The following NECTIN3 variants were observed in gnomAD, a reference collection of about 807,000 sequenced individuals.
NECTIN3 encodes nectin-3.
Under a neutral mutation model 49.4 loss-of-function variants are expected in NECTIN3, and 8 were observed. The observed-to-expected ratio is 0.16, with a 90% CI of 0.10 to 0.29. NECTIN3 has a LOEUF of 0.29. Ranked by LOEUF, NECTIN3 falls within the 10% of genes least tolerant of loss-of-function variation. NECTIN3 has a pLI of 1.00. For missense variants in NECTIN3, 581 were observed against 654.6 expected, an observed-to-expected ratio of 0.89 and a Z score of 1.23; for synonymous variants, 277 against 241.1, an observed-to-expected ratio of 1.15 and a Z score of -1.38.
At chr3:111,108,246 A>G (rs111571549) in intron 1 of NECTIN3, among the ~76,000 whole-genome samples, 9 of 147,390 alleles carry the variant, frequency 6.1e-5, no homozygotes, top group African/African-American at 1.7e-4. Flanking sequence ...TTTTGTAAAT[A>G]TCAACTTTGT....
At position 111,119,367 on chromosome 3, in the gene NECTIN3, CTGCCGCCAGGCTGGAG is replaced by C. The variant is rs2033844934; in HGVS notation, c.799+418_799+433del. ...AATCTTGCTCTGCCGCCAGGCTGGA[CTGCCGCCAGGCTGGAG>C]TGTAGTGGCGTCATCTCTGCTCACT... On this transcript the variant is annotated intron_variant, in intron 3 of 5. Transcript: ENST00000485303. 2.0e-5 allele frequency among the ~76,000 whole-genome samples: 3 copies of C among 152,088 alleles called. No individual in the cohort carries two copies. The South Asian group carries it at 6.2e-4, about 32-fold the overall frequency.
At chr3:111,086,158 G>GTCTTTCATAT (rs2031910688) in intron 1 of NECTIN3, among the ~76,000 whole-genome samples, 1 of 151,802 alleles carries the variant, frequency 6.6e-6, no homozygotes, top group African/African-American at 2.4e-5. Flanking sequence ...ATCTTTTTAT[G>GTCTTTCATAT]GGTTCCTAGG....
intron 5 of NECTIN3, among the ~76,000 whole-genome samples, chr3:111,144,713 A>G (rs2034832243): frequency 6.6e-6 from 1 of 152,090 alleles, no homozygotes; most frequent in Non-Finnish European, 1.5e-5. Flanking sequence ...TATTAAAGTA[A>G]TATAAGAAAG....
chr3:111,092,045 G>A (rs1031750024), intron 1 of NECTIN3, among the ~76,000 whole-genome samples: 6 of 152,172 alleles, frequency 3.9e-5, no homozygotes, highest in East Asian at 1.9e-4. Context: ...GGCTGATGAT[G>A]TTGAGCAAAT....
intron 6 of NECTIN3, among the ~76,000 whole-genome samples, chr3:111,145,229 G>C (rs977070211): frequency 2.6e-5 from 4 of 152,176 alleles, no homozygotes; most frequent in Non-Finnish European, 5.9e-5. Flanking sequence ...TCAAGGGGCT[G>C]CTAGAGGTAT....
At chr3:111,144,997 C>T in exon 6 of NECTIN3, 1 of 1,536,410 alleles carries the variant, frequency 6.5e-7, no homozygotes, top group South Asian at 1.2e-5. Context: ...GACTGTGCTG[C>T]TGACTCCTCG....
In NECTIN3 at chr3:111,163,474, A is replaced by T. The variant is rs2035257033; in HGVS notation, c.1221+15990A>T. Among the ~76,000 whole-genome samples the T allele has an allele frequency of 3.3e-5, 5 of 152,238 alleles. No homozygotes were observed. The South Asian group carries it at 1.0e-3, about 32-fold the overall frequency. On this transcript the variant is annotated intron_variant, in intron 7 of 8. Coordinates refer to the NECTIN3 transcript ENST00000493615. Reference sequence around the variant, plus strand: ...TGCTGTAGCAGTTTTTGGAAAATACAATCTTTGCTCTCTGTGTGTTGTCAT... The same window carrying T: ...TGCTGTAGCAGTTTTTGGAAAATACTATCTTTGCTCTCTGTGTGTTGTCAT...
chr3:111,144,843 A>T, intron 5 of NECTIN3: 2 of 1,485,040 alleles, frequency 1.3e-6, no homozygotes, highest in Non-Finnish European at 1.8e-6. Context: ...AAGGTATGCA[A>T]TTTCAAGAAT....
intron 2 of NECTIN3, among the ~76,000 whole-genome samples, chr3:111,118,131 C>T (rs2033766229): frequency 1.3e-5 from 2 of 151,332 alleles, no homozygotes; most frequent in Admixed American, 1.3e-4. Flanking sequence ...AACATTTCAT[C>T]TCCAATAGGT....
At chr3:111,126,961 C>T (rs570472548) in intron 5 of NECTIN3, among the ~76,000 whole-genome samples, 5 of 151,964 alleles carry the variant, frequency 3.3e-5, no homozygotes, top group Admixed American at 1.3e-4. Context: ...TTTTGGCATT[C>T]GTAAAATAGA....
chr3:111,108,845 T>A (rs894670047), intron 1 of NECTIN3, among the ~76,000 whole-genome samples: 5 of 152,136 alleles, frequency 3.3e-5, no homozygotes, highest in African/African-American at 1.2e-4. Context: ...TAATGAGGGC[T>A]CCACTCCCAT....
At chr3:111,106,046 C>CT (rs2033169058) in intron 1 of NECTIN3, among the ~76,000 whole-genome samples, 2 of 147,606 alleles carry the variant, frequency 1.4e-5, no homozygotes, top group Admixed American at 6.8e-5. Context: ...TCTGTAGGTA[C>CT]TTTCTTCACT....
intron 2 of NECTIN3, among the ~76,000 whole-genome samples, chr3:111,115,009 A>G (rs1446237183): frequency 1.3e-5 from 2 of 152,106 alleles, no homozygotes; most frequent in Non-Finnish European, 2.9e-5. Flanking sequence ...CATTAAGGGA[A>G]AGTTTTCTTA....
At chr3:111,103,937 C>G (rs1365498270) in intron 1 of NECTIN3, among the ~76,000 whole-genome samples, 5 of 152,124 alleles carry the variant, frequency 3.3e-5, no homozygotes, top group Non-Finnish European at 7.4e-5. Flanking sequence ...ATTGTTTCTA[C>G]TTCTTGGGTG....
intron 7 of NECTIN3, among the ~76,000 whole-genome samples, chr3:111,169,293 T>C (rs1361780641): frequency 6.6e-6 from 1 of 151,310 alleles, no homozygotes; most frequent in Non-Finnish European, 1.5e-5. Flanking sequence ...GGTTTCACCA[T>C]GTTAGCCAGG....
In NECTIN3 at chr3:111,112,374, A is replaced by C; in HGVS notation, c.502+3A>C. Reference sequence around the variant, plus strand: ...CTCTACAACTGTAACTGTGTTAGGTAGGTATGCTTGAATTATGTATTTTGG... The same window carrying C: ...CTCTACAACTGTAACTGTGTTAGGTCGGTATGCTTGAATTATGTATTTTGG... On this transcript the variant is annotated splice_donor_region_variant and intron_variant, in intron 2 of 5. Transcript: ENST00000485303. 6.6e-7 allele frequency: 1 copy of C among 1,516,062 alleles called. No homozygotes were observed. The highest frequency in any genetic ancestry group is 1.3e-5 in the South Asian group (1 of 76,412). The allele number at this position is 1,516,062 out of a possible 1,614,324, so 93.9% of individuals were successfully genotyped here.
chr3:111,095,574 C>A (rs2032537230), intron 1 of NECTIN3, among the ~76,000 whole-genome samples: 1 of 152,140 alleles, frequency 6.6e-6, no homozygotes, highest in Non-Finnish European at 1.5e-5. Flanking sequence ...CTTTTTTCAA[C>A]AGCTTTACAT....
At position 111,135,738 on chromosome 3, in the gene NECTIN3, T is replaced by A. The variant is rs2034552946; in HGVS notation, c.*1523T>A. The A allele has an allele frequency of 1.0e-6, 1 of 962,452 alleles. No individual in the cohort carries two copies. The highest frequency in any genetic ancestry group is 1.1e-4 in the East Asian group (1 of 8,704). 59.6% of individuals were successfully genotyped at this position (962,452 alleles called of 1,614,324 possible). A position where few individuals can be genotyped will look rare whatever the true frequency, so the allele number is the denominator to read the frequency against. ...TCAATATTCATCAAATCTAAAACAT[T>A]TAGGGGGCAAAATTCTAACATGTTC... On this transcript the variant is annotated 3_prime_UTR_variant, in exon 6 of 6. Transcript: ENST00000485303.
chr3:111,091,011 CTTTACAG>C (rs1417743389), intron 1 of NECTIN3, among the ~76,000 whole-genome samples: 1 of 151,904 alleles, frequency 6.6e-6, no homozygotes, highest in Non-Finnish European at 1.5e-5. Context: ...AATTCACATA[CTTTACAG>C]TTTACTGATT....
Sources: allele counts gnomAD v4.1 joint callset (sites outside exome capture counted in the v4.1 genomes callset), GRCh38; gene constraint gnomAD v4.1.1; transcripts MANE v1.5; gene names NCBI Gene and HGNC (gene_info 2026-07-23, HGNC 2026-07-21).